LNPEP: variants seen among roughly 807,000 people sequenced by gnomAD.
The protein encoded by LNPEP is leucyl and cystinyl aminopeptidase, also known as leucyl-cystinyl aminopeptidase.
In LNPEP, 64 loss-of-function variants were observed where a neutral mutation model predicts 120.6. The ratio of observed to expected loss-of-function variants is 0.53; its 90% CI spans 0.43 to 0.65. The LOEUF (loss-of-function observed/expected upper bound fraction) is 0.65. LNPEP is among the 30% of genes least tolerant of loss of function. The probability of loss-of-function intolerance (pLI) is 0.00; values close to 1 mark genes in which losing one functional copy is unlikely to be tolerated. For missense variants in LNPEP, 1,057 were observed against 1,200.0 expected, an observed-to-expected ratio of 0.88 and a Z score of 1.76; for synonymous variants, 435 against 425.4, an observed-to-expected ratio of 1.02 and a Z score of -0.28.
Position 96,986,644 on chromosome 5 carries a change from C to T in LNPEP, c.1105C>T (p.Leu369=), listed in dbSNP as rs1790250650. Reference sequence around the variant, plus strand: ...TTTCATTGTGGGAGAGATGAAGAACCTGAGTCAGGACGTAAATGGAACCCT... The same window carrying T: ...TTTCATTGTGGGAGAGATGAAGAACTTGAGTCAGGACGTAAATGGAACCCT... The part of the protein sequence containing the change: ...VAFIVGEMKN[L]SQDVNGTLVS... The change falls in exon 4 of 18, where the codon CTG becomes TTG. Residue 369 remains leucine, a synonymous_variant. Coordinates refer to ENST00000231368, the MANE Select transcript of LNPEP (RefSeq NM_005575.3). The T allele has an allele frequency of 6.2e-7, 1 of 1,613,552 alleles. No individual in the cohort carries two copies. Among genetic ancestry groups the T allele is most frequent in the Non-Finnish European group, 8.5e-7 (1 of 1,179,664 alleles).
chr5:96,941,656 G>C (rs1047552604), intron 1 of LNPEP, among the ~76,000 whole-genome samples: 3 of 152,026 alleles, frequency 2.0e-5, no homozygotes, highest in African/African-American at 7.2e-5. Flanking sequence ...GTTGCTTATT[G>C]CCTTGGTGTT....
At chr5:96,985,994 T>G (rs1790234087) in intron 3 of LNPEP, among the ~76,000 whole-genome samples, 1 of 152,152 alleles carries the variant, frequency 6.6e-6, no homozygotes, top group Non-Finnish European at 1.5e-5. Flanking sequence ...CTACTTTAAT[T>G]TGTGGTTGGA....
intron 1 of LNPEP, among the ~76,000 whole-genome samples, chr5:96,969,380 G>A (rs901928792): frequency 2.6e-5 from 4 of 151,886 alleles, no homozygotes; most frequent in African/African-American, 9.7e-5. Context: ...AGGAGAGGGA[G>A]AACATACTGT....
intron 13 of LNPEP, among the ~76,000 whole-genome samples, chr5:97,021,305 T>G (rs567624054): frequency 6.6e-6 from 1 of 152,326 alleles, no homozygotes; most frequent in East Asian, 1.9e-4. Flanking sequence ...GTTAAAAAAC[T>G]GTTGAATCTA....
rs1791225915 is a variant in LNPEP at position 97,022,422 on chromosome 5, G to C, written c.2499G>C (p.Gly833=). 7 of 1,614,082 alleles carry C rather than the reference G, an allele frequency of 4.3e-6. No individual in the cohort carries two copies. In the East Asian group the frequency reaches 1.3e-4, roughly 31 times the overall value. The stretch of plus-strand genomic sequence containing the variant: ...AGTTTGCTTGCACCCACAACCTGGG[G>C]AACTGCTCTACTACTGCCATGAAAC... ...LLEFACTHNL[G]NCSTTAMKLF... The change falls in exon 14 of 18, where the codon GGG becomes GGC. Residue 833 remains glycine (G), a synonymous_variant. Transcript: ENST00000231368.
intron 3 of LNPEP, among the ~76,000 whole-genome samples, chr5:96,986,139 C>G (rs1790237894): frequency 1.3e-5 from 2 of 152,118 alleles, no homozygotes; most frequent in African/African-American, 4.8e-5. Flanking sequence ...CATTTCAGAT[C>G]ATTTGAAGGG....
At chr5:96,988,023 C>A (rs1048417265) in intron 4 of LNPEP, among the ~76,000 whole-genome samples, 12 of 152,160 alleles carry the variant, frequency 7.9e-5, no homozygotes, top group African/African-American at 2.7e-4. Flanking sequence ...TCTTTCATAG[C>A]ACTTTAATTA....
At chr5:96,976,870 GCT>G (rs1403140909) in intron 1 of LNPEP, among the ~76,000 whole-genome samples, 13 of 151,564 alleles carry the variant, frequency 8.6e-5, no homozygotes, top group Admixed American at 8.5e-4. Flanking sequence ...AGCAATATTT[GCT>G]CTGTTAATGA....
chr5:97,034,133 G>A lies in LNPEP; in HGVS notation c.*5600G>A, dbSNP rs1219955481. ...TTCCCCTTTCCTTATTGCCTCTGTA[G>A]GCAATAATTATAGAGTAGTATAGAT... is the stretch of plus-strand genomic sequence containing the variant. On this transcript the variant is annotated 3_prime_UTR_variant, in exon 18 of 18. Transcript: ENST00000231368. 1 of 152,054 alleles carries A rather than the reference G, an allele frequency of 6.6e-6. No individual in the cohort carries two copies. Among genetic ancestry groups the A allele is most frequent in the African/African-American group, 2.4e-5 (1 of 41,402 alleles). The allele number at this position is 152,054 out of a possible 1,614,324, so 9.4% of individuals were successfully genotyped here.
intron 4 of LNPEP, among the ~76,000 whole-genome samples, chr5:96,992,470 A>G (rs1790411717): frequency 6.6e-6 from 1 of 152,202 alleles, no homozygotes; most frequent in South Asian, 2.1e-4. Context: ...TGGTTTTTCT[A>G]GGATAATTTC....
At chr5:96,960,747 T>C (rs917613892) in intron 1 of LNPEP, among the ~76,000 whole-genome samples, 4 of 152,236 alleles carry the variant, frequency 2.6e-5, no homozygotes, top group Admixed American at 2.6e-4. Flanking sequence ...TTAGAAATTA[T>C]ACAGTCTCTC....
At chr5:97,014,585 G>T (rs1791016333) in intron 12 of LNPEP, among the ~76,000 whole-genome samples, 1 of 151,888 alleles carries the variant, frequency 6.6e-6, no homozygotes, top group African/African-American at 2.4e-5. Flanking sequence ...TACTCTCTAT[G>T]CTATACTCTC....
intron 1 of LNPEP, among the ~76,000 whole-genome samples, chr5:96,958,948 C>T (rs1447594186): frequency 6.6e-6 from 1 of 151,548 alleles, no homozygotes; most frequent in Admixed American, 6.6e-5. Flanking sequence ...CCTGCCTCAG[C>T]CTTCCGAGTA....
At chr5:97,023,346 C>T (rs1024645487) in intron 14 of LNPEP, among the ~76,000 whole-genome samples, 6 of 152,028 alleles carry the variant, frequency 3.9e-5, no homozygotes, top group Non-Finnish European at 5.9e-5. Flanking sequence ...CTCCACTTCT[C>T]GGGTTCCATT....
chr5:97,013,618 T>C, intron 11 of LNPEP, 30 bp from the exon 12 acceptor site: 1 of 1,321,260 alleles, frequency 7.6e-7, no homozygotes, highest in Non-Finnish European at 1.0e-6. Flanking sequence ...GTCTTCTCTC[T>C]CAATCTCTCA....
chr5:96,943,351 C>T (rs981598484), intron 1 of LNPEP, among the ~76,000 whole-genome samples: 7 of 152,086 alleles, frequency 4.6e-5, no homozygotes, highest in African/African-American at 1.2e-4. Flanking sequence ...TGCAGTGGCA[C>T]GGCCACAGCA....
chr5:96,992,915 C>G (rs763257082), intron 4 of LNPEP, 100 bp from the exon 5 acceptor site: 2 of 821,448 alleles, frequency 2.4e-6, no homozygotes, highest in African/African-American at 1.7e-5. Flanking sequence ...TCATACAATT[C>G]TATAGAATTT....
At chr5:96,977,115 T>C (rs892118955) in intron 1 of LNPEP, among the ~76,000 whole-genome samples, 1 of 152,036 alleles carries the variant, frequency 6.6e-6, no homozygotes, top group Non-Finnish European at 1.5e-5. Context: ...TTGTATACAG[T>C]TCAGGTTGGA....
chr5:96,959,819 G>A (rs1478449342), intron 1 of LNPEP, among the ~76,000 whole-genome samples: 1 of 151,490 alleles, frequency 6.6e-6, no homozygotes, highest in Non-Finnish European at 1.5e-5. Context: ...AATTTCTTGT[G>A]CATTTCAAAT....
Sources: gnomAD v4.1 joint callset for allele counts (sites outside exome capture counted in the v4.1 genomes callset) on GRCh38, gnomAD v4.1.1 for gene constraint, MANE v1.5 for transcripts, NCBI Gene and HGNC (gene_info 2026-07-23, HGNC 2026-07-21) for gene names.